NNT: variants seen among roughly 807,000 people sequenced by gnomAD.
NNT encodes the protein NAD(P) transhydrogenase, mitochondrial.
In NNT, 50 loss-of-function variants were observed where a neutral mutation model predicts 104.8. That is an observed-to-expected ratio of 0.48 (90% CI 0.38 to 0.60). NNT has a LOEUF of 0.60. Ranked by LOEUF, NNT falls within the 20% of genes least tolerant of loss-of-function variation. The pLI is 0.00. For synonymous variants in NNT, 461 were observed against 490.4 expected, an observed-to-expected ratio of 0.94 and a Z score of 0.79; for missense variants, 1,131 against 1,330.7, an observed-to-expected ratio of 0.85 and a Z score of 2.33.
intron 7 of NNT, among the ~76,000 whole-genome samples, chr5:43,638,068 G>A (rs1232151080): frequency 2.0e-5 from 3 of 152,168 alleles, no homozygotes; most frequent in Admixed American, 6.5e-5. Flanking sequence ...GTGATAGCGA[G>A]CTAGTTCTCA....
chr5:43,654,727 C>G (rs1474597984), intron 14 of NNT, among the ~76,000 whole-genome samples: 1 of 152,186 alleles, frequency 6.6e-6, no homozygotes, highest in East Asian at 1.9e-4. Context: ...GTGCTAGCCA[C>G]CTTTATATCA....
In NNT at chr5:43,619,072, T is replaced by A. The variant is rs1749933993; in HGVS notation, c.640T>A (p.Phe214Ile). The A allele has an allele frequency of 1.3e-6, 2 of 1,557,476 alleles. No homozygotes were observed. The highest frequency in any genetic ancestry group is 1.4e-5 in the African/African-American group (1 of 73,386). ...VVLAANHFGR[F>I]FTGQITAAGK... ...CCTAGCAGCAAATCATTTTGGACGT[T>A]TTTTTACTGGTCAGATCACAGCTGC... Residue 214 changes from phenylalanine (F) to isoleucine (I), a missense_variant, in exon 5 of 22, where the codon TTT becomes ATT. Phe to Ile is a conservative substitution (Grantham distance 21, BLOSUM62 0). Coordinates refer to ENST00000344920, the MANE Select transcript of NNT (RefSeq NM_182977.3).
intron 7 of NNT, among the ~76,000 whole-genome samples, chr5:43,640,521 C>T (rs1000573467): frequency 6.6e-6 from 1 of 152,086 alleles, no homozygotes; most frequent in African/African-American, 2.4e-5. Context: ...AAAGGAGAAA[C>T]TGGTTGTGAT....
At position 43,653,255 on chromosome 5, in the gene NNT, T is replaced by A. The variant is rs776708936; in HGVS notation, c.2059+42T>A. On this transcript the variant is annotated intron_variant, in intron 14 of 21. Coordinates refer to ENST00000344920, the MANE Select transcript of NNT (RefSeq NM_182977.3). ...TTCTGCCTTCATGTGAACTCCAGTT[T>A]CTCAATATATATTTCTAAGGTCCAT... 7.8e-6 allele frequency: 12 copies of A among 1,529,916 alleles called. No individual in the cohort carries two copies. The African/African-American group carries it at 1.4e-4, about 18-fold the overall frequency. 94.8% of individuals were successfully genotyped at this position (1,529,916 alleles called of 1,614,324 possible).
rs1393496192 is a variant in NNT at position 43,707,234 on chromosome 5, T to C, written c.*2830T>C. 1.3e-5 allele frequency: 2 copies of C among 151,978 alleles called. No individual in the cohort carries two copies. Among genetic ancestry groups the C allele is most frequent in the African/African-American group, 2.4e-5 (1 of 41,374 alleles). 9.4% of individuals were successfully genotyped at this position (151,978 alleles called of 1,614,324 possible). ...TGGGGTAAAAAAACACAATATATTG[T>C]ATTCTTGAAAAATTCTAAGAGAGTG... On this transcript the variant is annotated 3_prime_UTR_variant, in exon 22 of 22. Transcript: ENST00000344920.
At chr5:43,660,804 C>T (rs957897771) in intron 17 of NNT, among the ~76,000 whole-genome samples, 12 of 152,116 alleles carry the variant, frequency 7.9e-5, no homozygotes, top group African/African-American at 2.2e-4. Flanking sequence ...AACAGCAAGG[C>T]GGAAGTCAGC....
In NNT at chr5:43,695,551, C is replaced by A. The variant is rs555316504; in HGVS notation, c.2877-4568C>A. On this transcript the variant is annotated intron_variant, in intron 19 of 21. Transcript: ENST00000344920. ...GACTGAGGCTTAAGCTGGGCATTGA[C>A]AGTATAGGATACAGATGACTAGGAC... Among the ~76,000 whole-genome samples the A allele has an allele frequency of 3.3e-5, 5 of 152,298 alleles. No individual in the cohort carries two copies. In the South Asian group the frequency reaches 1.0e-3, roughly 32 times the overall value.
intron 6 of NNT, among the ~76,000 whole-genome samples, chr5:43,626,777 T>C (rs1750386234): frequency 6.6e-6 from 1 of 150,626 alleles, no homozygotes; most frequent in Non-Finnish European, 1.5e-5. Context: ...GATTATTTTA[T>C]ATACATATAT....
intron 1 of NNT, among the ~76,000 whole-genome samples, chr5:43,606,167 TG>T (rs970170235): frequency 6.6e-6 from 1 of 152,294 alleles, no homozygotes; most frequent in Admixed American, 6.5e-5. Context: ...TTCACTCTTT[TG>T]CTGATGAGGT....
At chr5:43,664,784 C>A (rs1001639286) in intron 17 of NNT, among the ~76,000 whole-genome samples, 3 of 152,056 alleles carry the variant, frequency 2.0e-5, no homozygotes, top group Non-Finnish European at 4.4e-5. Flanking sequence ...ACCATAAATG[C>A]TAAACATTTG....
At chr5:43,644,560 A>T (rs1227867208) in intron 8 of NNT, 51 bp from the exon 9 acceptor site, 1 of 1,450,156 alleles carries the variant, frequency 6.9e-7, no homozygotes, top group Non-Finnish European at 9.4e-7. Flanking sequence ...TTCTAGAATG[A>T]ATGTGAACAT....
rs550042375 is a variant in NNT, at chr5:43,646,652, G to GT, written c.1444+1149dup. 1.1e-3 allele frequency among the ~76,000 whole-genome samples: 174 copies of GT among 151,914 alleles called. 2 individuals carry two copies. Among genetic ancestry groups the GT allele is most frequent in the Admixed American group, 0.01 (159 of 15,250 alleles). On this transcript the variant is annotated intron_variant, in intron 10 of 21. Transcript: ENST00000344920. The stretch of plus-strand genomic sequence containing the variant: ...GTTAAATGCGTATAAATATAATTAC[G>GT]TTTTTTTCTGTTTTTTATTTTTATT...
chr5:43,645,202 A>G (rs958692094), intron 9 of NNT, among the ~76,000 whole-genome samples, 155 bp from the exon 10 acceptor site: 1 of 152,166 alleles, frequency 6.6e-6, no homozygotes, highest in Non-Finnish European at 1.5e-5. Flanking sequence ...TATGTGACAT[A>G]TTTATGTAAA....
At chr5:43,657,014 A>G (rs899331858) in intron 16 of NNT, among the ~76,000 whole-genome samples, 3 of 152,214 alleles carry the variant, frequency 2.0e-5, no homozygotes, top group African/African-American at 7.2e-5. Flanking sequence ...TTGCAACTTA[A>G]TTGTTCATTT....
At chr5:43,626,677 A>C (rs1173590886) in intron 6 of NNT, among the ~76,000 whole-genome samples, 1 of 151,806 alleles carries the variant, frequency 6.6e-6, no homozygotes, top group Non-Finnish European at 1.5e-5. Context: ...AATACCTTTT[A>C]TTATTCTATC....
At chr5:43,671,672 T>TCC (rs1310417984) in intron 17 of NNT, among the ~76,000 whole-genome samples, 1 of 152,238 alleles carries the variant, frequency 6.6e-6, no homozygotes, top group Non-Finnish European at 1.5e-5. Flanking sequence ...CTGATGGGCT[T>TCC]CCCTTTGTGG....
chr5:43,605,209 G>A (rs1028553114), intron 1 of NNT, among the ~76,000 whole-genome samples: 4 of 152,134 alleles, frequency 2.6e-5, no homozygotes, highest in Admixed American at 6.5e-5. Flanking sequence ...ACATATGAAA[G>A]CAATGCTTAA....
chr5:43,639,542 A>G (rs530310079), intron 7 of NNT, among the ~76,000 whole-genome samples: 10 of 152,206 alleles, frequency 6.6e-5, no homozygotes, highest in African/African-American at 2.4e-4. Flanking sequence ...TTGTTGACCA[A>G]CCTTTGAATG....
intron 14 of NNT, among the ~76,000 whole-genome samples, chr5:43,655,190 A>C (rs936609919): frequency 6.6e-6 from 1 of 152,098 alleles, no homozygotes. Context: ...AATATAAGGG[A>C]ATTTGATTAG....
Sources: gnomAD v4.1 joint callset for allele counts (sites outside exome capture counted in the v4.1 genomes callset) on GRCh38, gnomAD v4.1.1 for gene constraint, MANE v1.5 for transcripts, NCBI Gene and HGNC (gene_info 2026-07-23, HGNC 2026-07-21) for gene names.